EIF2AK2: variants seen among roughly 807,000 people sequenced by gnomAD.
EIF2AK2 encodes the protein eukaryotic translation initiation factor 2 alpha kinase 2, also known as interferon-induced, double-stranded RNA-activated protein kinase.
EIF2AK2 carries 40 observed loss-of-function variants against 70.5 expected under a neutral mutation model. That is an observed-to-expected ratio of 0.57 (90% CI 0.44 to 0.74). The LOEUF (loss-of-function observed/expected upper bound fraction) is 0.74, where lower values mean the gene tolerates loss of function less well. EIF2AK2 is among the 30% of genes least tolerant of loss of function. The probability of loss-of-function intolerance (pLI) is 0.00; values close to 1 mark genes in which losing one functional copy is unlikely to be tolerated. For missense variants in EIF2AK2, 555 were observed against 644.3 expected (o/e 0.86, Z 1.50); for synonymous variants, 198 against 220.9 (o/e 0.90, Z 0.92).
At chr2:37,132,516 G>A (rs921656376) in intron 10 of EIF2AK2, among the ~76,000 whole-genome samples, 4 of 152,186 alleles carry the variant, frequency 2.6e-5, no homozygotes, top group Non-Finnish European at 5.9e-5. Flanking sequence ...TTGAACCCCA[G>A]AGGCAGAGAT....
intron 4 of EIF2AK2, among the ~76,000 whole-genome samples, chr2:37,146,223 A>G (rs1319644280): frequency 1.3e-5 from 2 of 152,192 alleles, no homozygotes; most frequent in Non-Finnish European, 2.9e-5. Flanking sequence ...CTAGGTGTGT[A>G]CTGGTTGTAC....
chr2:37,114,837 T>C lies in EIF2AK2; in HGVS notation c.1271A>G (p.Asp424Gly), dbSNP rs1263673016. The C allele has an allele frequency of 8.8e-6, 14 of 1,590,588 alleles. No homozygotes were observed. Among genetic ancestry groups the C allele is most frequent in the Non-Finnish European group, 1.2e-5 (14 of 1,170,070 alleles). Residue 424 changes from aspartate to glycine, a missense_variant, in exon 14 of 17, where the codon GAT becomes GGT. Asp to Gly is a moderately conservative substitution (Grantham distance 94). Transcript: ENST00000233057. ...GTCTCCAATCTTTACTTGTTTTGTA[T>C]CTACTAAGAATATATTACTTGGCTA... ...DLKPSNIFLV[D>G]TKQVKIGDFG...
chr2:37,148,618 G>A, intron 2 of EIF2AK2: 1 of 846,654 alleles, frequency 1.2e-6, no homozygotes, highest in South Asian at 1.3e-5. Context: ...TTAAGATGTT[G>A]CAAGAATTGT....
intron 1 of EIF2AK2, among the ~76,000 whole-genome samples, chr2:37,153,969 C>T (rs760736341): frequency 4.6e-5 from 7 of 152,198 alleles, no homozygotes; most frequent in Non-Finnish European, 4.4e-5. Flanking sequence ...TCTCCACATC[C>T]TCACCATCAC....
intron 1 of EIF2AK2, among the ~76,000 whole-genome samples, chr2:37,150,107 AATAAAG>A (rs1448790286): frequency 2.0e-5 from 3 of 151,738 alleles, no homozygotes; most frequent in Non-Finnish European, 4.4e-5. Flanking sequence ...AAGTGATTGC[AATAAAG>A]ATAAATATGT....
In EIF2AK2 at chr2:37,138,323, T is replaced by G. The variant is rs754063096; in HGVS notation, c.634A>C (p.Thr212Pro). The G allele has an allele frequency of 1.9e-6, 3 of 1,614,020 alleles. No individual in the cohort carries two copies. The highest frequency in any genetic ancestry group is 2.5e-6 in the Non-Finnish European group (3 of 1,179,954). ...TCACTGTTAGAATTTATCTCTGATG[T>G]ATCTGCTGAGAAGTCACCTTCAGAT... Reference protein sequence around the residue: ...SSSEGDFSADTSEINSNSDSL... With the variant: ...SSSEGDFSADPSEINSNSDSL... The change falls in exon 8 of 17, where the codon ACA (threonine) becomes CCA (proline). Residue 212 changes from threonine (T) to proline (P), a missense_variant. Coordinates refer to ENST00000233057, the MANE Select transcript of EIF2AK2 (RefSeq NM_001135651.3).
intron 15 of EIF2AK2, among the ~76,000 whole-genome samples, chr2:37,108,009 G>A (rs1286069342): frequency 6.6e-6 from 1 of 152,014 alleles, no homozygotes; most frequent in East Asian, 1.9e-4. Flanking sequence ...AACCAGGCAT[G>A]GTGGTGCACG....
chr2:37,135,456 C>T, intron 10 of EIF2AK2, 28 bp downstream of exon 10: 1 of 1,578,312 alleles, frequency 6.3e-7, no homozygotes, highest in Non-Finnish European at 8.6e-7. Flanking sequence ...ATTACCCCTT[C>T]TTCTTTCTTC....
Position 37,146,956 on chromosome 2 carries a change from A to C in EIF2AK2, c.137T>G (p.Ile46Arg), listed in dbSNP as rs1188490662. ...TTCTGGAAATTCTCTTCCATCTATT[A>C]TAACTTGAAATGTAAACCTGATTAC... The part of the protein sequence containing the change: ...PHDRRFTFQV[I>R]IDGREFPEGE... Residue 46 changes from isoleucine to arginine, a missense_variant, in exon 4 of 17, where the codon ATA becomes AGA. By Grantham distance (97) the Ile-to-Arg change is moderately conservative (BLOSUM62 -3). Coordinates refer to ENST00000233057, the MANE Select transcript of EIF2AK2 (RefSeq NM_001135651.3). 1.2e-6 allele frequency: 2 copies of C among 1,611,826 alleles called. No individual in the cohort carries two copies. Among genetic ancestry groups the C allele is most frequent in the African/African-American group, 2.7e-5 (2 of 74,876 alleles).
At chr2:37,135,427 A>G (rs1463700292) in intron 10 of EIF2AK2, 57 bp downstream of exon 10, 9 of 1,451,882 alleles carry the variant, frequency 6.2e-6, no homozygotes, top group Non-Finnish European at 8.5e-6. Flanking sequence ...GACAACTACC[A>G]AAAACATCCA....
At chr2:37,130,107 T>C (rs1335520248) in intron 10 of EIF2AK2, among the ~76,000 whole-genome samples, 1 of 152,014 alleles carries the variant, frequency 6.6e-6, no homozygotes, top group Non-Finnish European at 1.5e-5. Flanking sequence ...TTTTATTTTA[T>C]TTTATTTTTT....
chr2:37,144,568 G>C (rs1262664036), intron 4 of EIF2AK2, among the ~76,000 whole-genome samples: 1 of 151,594 alleles, frequency 6.6e-6, no homozygotes, highest in Non-Finnish European at 1.5e-5. Flanking sequence ...GTGTGTGTTT[G>C]TGTTGTAATT....
chr2:37,131,362 C>T (rs780975489), intron 10 of EIF2AK2, among the ~76,000 whole-genome samples: 39 of 152,206 alleles, frequency 2.6e-4, no homozygotes, highest in Admixed American at 4.6e-4. Flanking sequence ...ACCCCATTTA[C>T]AAAACCTGGC....
chr2:37,101,342 T>G lies in EIF2AK2; in HGVS notation c.*5931A>C, dbSNP rs1300911804. On this transcript the variant is annotated 3_prime_UTR_variant, in exon 17 of 17. Transcript: ENST00000233057. ...TAGATGATAAATGCAAGAGGTTTGA[T>G]AGAACCAGAAAATCACTATTTTACA... 6.6e-6 allele frequency: 1 copy of G among 152,234 alleles called. No homozygotes were observed. Among genetic ancestry groups the G allele is most frequent in the Non-Finnish European group, 1.5e-5 (1 of 68,046 alleles). 9.4% of individuals were successfully genotyped at this position (152,234 alleles called of 1,614,324 possible).
intron 14 of EIF2AK2, among the ~76,000 whole-genome samples, chr2:37,112,723 T>A (rs553643509): frequency 6.6e-6 from 1 of 152,278 alleles, no homozygotes; most frequent in South Asian, 2.1e-4. Flanking sequence ...TGTGGGAATT[T>A]TATATATGAT....
chr2:37,103,616 A>T lies in EIF2AK2; in HGVS notation c.*3657T>A, dbSNP rs1439764630. On this transcript the variant is annotated 3_prime_UTR_variant, in exon 17 of 17. Transcript: ENST00000233057. ...AATCAAAACCAGATATTGTTTTTTT[A>T]AAAAAAGATTTCTCTCTACGCAGAA... The T allele has an allele frequency of 2.6e-5, 4 of 152,148 alleles. No individual in the cohort carries two copies. Among genetic ancestry groups the T allele is most frequent in the African/African-American group, 9.7e-5 (4 of 41,438 alleles). 9.4% of individuals were successfully genotyped at this position (152,148 alleles called of 1,614,324 possible).
At position 37,136,966 on chromosome 2, in the gene EIF2AK2, T is replaced by A. The variant is rs1573025732; in HGVS notation, c.722+17A>T. The A allele has an allele frequency of 1.3e-6, 2 of 1,597,732 alleles. No homozygotes were observed. The highest frequency in any genetic ancestry group is 8.5e-7 in the Non-Finnish European group (1 of 1,173,802). Reference sequence around the variant, plus strand: ...AAACTTCAGATCAAAATATGTTCAATGCATAATGATACTCACCTTTTTGCC... The same window carrying A: ...AAACTTCAGATCAAAATATGTTCAAAGCATAATGATACTCACCTTTTTGCC... On this transcript the variant is annotated intron_variant, in intron 9 of 16. Coordinates refer to ENST00000233057, the MANE Select transcript of EIF2AK2 (RefSeq NM_001135651.3).
At chr2:37,118,313 C>G (rs1674417643) in intron 13 of EIF2AK2, among the ~76,000 whole-genome samples, 1 of 149,556 alleles carries the variant, frequency 6.7e-6, no homozygotes, top group Non-Finnish European at 1.5e-5. Context: ...GACCTTGTCT[C>G]AAAAAAAAAT....
intron 9 of EIF2AK2, among the ~76,000 whole-genome samples, chr2:37,135,907 A>G (rs1675110751): frequency 6.6e-6 from 1 of 152,218 alleles, no homozygotes; most frequent in Non-Finnish European, 1.5e-5. Flanking sequence ...GCTGGGGATC[A>G]CAGGCGCAAG....
Sources: gnomAD v4.1 joint callset for allele counts (sites outside exome capture counted in the v4.1 genomes callset) on GRCh38, gnomAD v4.1.1 for gene constraint, MANE v1.5 for transcripts, NCBI Gene and HGNC (gene_info 2026-07-23, HGNC 2026-07-21) for gene names.